PHACTR1: variants seen among roughly 807,000 people sequenced by gnomAD.
PHACTR1 encodes phosphatase and actin regulator 1.
A neutral mutation model predicts 69.2 loss-of-function variants in PHACTR1; 16 were observed. That is an observed-to-expected ratio of 0.23 (90% CI 0.16 to 0.35). The LOEUF is 0.35. Ranked by LOEUF, PHACTR1 falls within the 10% of genes least tolerant of loss-of-function variation. The pLI is 1.00. For missense variants in PHACTR1, 510 were observed against 734.7 expected (o/e 0.69, Z 3.54); for synonymous variants, 312 against 284.5 (o/e 1.10, Z -0.97).
chr6:12,957,925 A>G, intron 4 of PHACTR1: 1 of 985,236 alleles, frequency 1.0e-6, no homozygotes, highest in Non-Finnish European at 1.2e-6. Context: ...TCAGAGCCCG[A>G]CACTTGAGGA....
At chr6:13,254,053 C>T (rs964878897) in intron 10 of PHACTR1, among the ~76,000 whole-genome samples, 3 of 152,106 alleles carry the variant, frequency 2.0e-5, no homozygotes, top group African/African-American at 7.2e-5. Flanking sequence ...CATGGTGAAA[C>T]CCTATATCTA....
chr6:12,811,078 T>C (rs1415452522), intron 4 of PHACTR1, among the ~76,000 whole-genome samples: 5 of 152,220 alleles, frequency 3.3e-5, no homozygotes, highest in African/African-American at 1.2e-4. Context: ...ACAAGATTGA[T>C]TTCTTAGGTT....
intron 8 of PHACTR1, 86 bp downstream of exon 8, chr6:13,206,222 T>G: frequency 7.6e-7 from 1 of 1,321,818 alleles, no homozygotes; most frequent in Non-Finnish European, 1.0e-6. Flanking sequence ...GACTTAGGAA[T>G]GTGAACAAGG....
chr6:13,179,445 T>TGTGTGTGTGTGTG lies in PHACTR1; in HGVS notation c.497-3074_497-3073insGTGTGTGTGTGTG, dbSNP rs58571739. Among the ~76,000 whole-genome samples, 17 of 148,268 alleles carry TGTGTGTGTGTGTG rather than the reference T, an allele frequency of 1.1e-4. No individual in the cohort carries two copies. The highest frequency in any genetic ancestry group is 3.4e-4 in the Admixed American group (5 of 14,874). On this transcript the variant is annotated intron_variant, in intron 6 of 14. Transcript: ENST00000332995. The surrounding 1 kb of genome is among the most constrained non-coding windows in gnomAD (Gnocchi z 4.2). ...GTGTGTGTGTGTGTGTGTGTGTGTG[T>TGTGTGTGTGTGTG]TTAAAAATGTCATAATAAAAAATTT...
chr6:13,102,455 C>T (rs1295921974), intron 5 of PHACTR1, among the ~76,000 whole-genome samples: 1 of 152,168 alleles, frequency 6.6e-6, no homozygotes, highest in Non-Finnish European at 1.5e-5. Flanking sequence ...AATTGTAAAT[C>T]CCCACAGTAG....
chr6:12,955,838 G>A (rs1180575322), intron 4 of PHACTR1, among the ~76,000 whole-genome samples: 4 of 152,262 alleles, frequency 2.6e-5, no homozygotes, highest in African/African-American at 9.6e-5. Context: ...ACCAAGAGTA[G>A]GAGACCCGTC....
At chr6:13,037,514 A>C (rs749503733) in intron 4 of PHACTR1, among the ~76,000 whole-genome samples, 23 of 152,246 alleles carry the variant, frequency 1.5e-4, no homozygotes, top group African/African-American at 2.9e-4. Flanking sequence ...AGCATGCATC[A>C]GTGACTGGCT....
chr6:12,828,151 TTGCTGCGTA>T (rs994897556), intron 4 of PHACTR1, among the ~76,000 whole-genome samples: 34 of 152,322 alleles, frequency 2.2e-4, no homozygotes, highest in Admixed American at 1.2e-3. Context: ...CTCTGTGATT[TTGCTGCGTA>T]TGAGGCCAAT....
chr6:13,181,817 T>A (rs935677444), intron 6 of PHACTR1, among the ~76,000 whole-genome samples: 6 of 152,250 alleles, frequency 3.9e-5, no homozygotes, highest in South Asian at 2.1e-4. Flanking sequence ...TGAAGCCCTT[T>A]GCTCCCTAAA....
intron 7 of PHACTR1, among the ~76,000 whole-genome samples, chr6:13,183,278 G>T (rs956562964): frequency 6.6e-6 from 1 of 152,152 alleles, no homozygotes; most frequent in East Asian, 1.9e-4. Flanking sequence ...TTTGCAGAGC[G>T]GTCCTAATTT....
rs1779379838 is a variant in PHACTR1, at chr6:13,278,332, A to T, written c.1509+3A>T. ...TCAAGAGGAGGCTAACCCGAAAGGT[A>T]GGTGGTTCTCCATGCCAAGAGCTGG... On this transcript the variant is annotated splice_donor_region_variant and intron_variant, in intron 12 of 14. Coordinates refer to ENST00000332995, the MANE Select transcript of PHACTR1 (RefSeq NM_030948.6). 6.3e-7 allele frequency: 1 copy of T among 1,593,654 alleles called. No individual in the cohort carries two copies. Among genetic ancestry groups the T allele is most frequent in the Admixed American group, 1.8e-5 (1 of 56,732 alleles).
At chr6:13,202,481 CT>C (rs1164105884) in intron 7 of PHACTR1, among the ~76,000 whole-genome samples, 6,706 of 129,858 alleles carry the variant, frequency 0.052, 275 homozygotes, top group African/African-American at 0.14. Flanking sequence ...TGCACTGAAG[CT>C]TTTTTTTTTT....
intron 10 of PHACTR1, among the ~76,000 whole-genome samples, chr6:13,240,419 G>GT (rs550725560): frequency 5.2e-4 from 78 of 150,844 alleles, no homozygotes; most frequent in African/African-American, 9.6e-4. Flanking sequence ...TTCGTTGTGG[G>GT]TTTTTTTTTG....
At chr6:12,834,726 A>G (rs908659894) in intron 4 of PHACTR1, among the ~76,000 whole-genome samples, 5 of 152,188 alleles carry the variant, frequency 3.3e-5, no homozygotes, top group African/African-American at 1.2e-4. Context: ...TGAGATAAAA[A>G]CAAAACTCAG....
intron 4 of PHACTR1, among the ~76,000 whole-genome samples, chr6:12,759,442 CA>C (rs5874377): frequency 1.5e-3 from 201 of 132,412 alleles, no homozygotes; most frequent in Middle Eastern, 3.7e-3. Flanking sequence ...AAGGCATTTG[CA>C]AAAAAAAAAA....
At chr6:12,966,795 T>A (rs894269295) in intron 4 of PHACTR1, among the ~76,000 whole-genome samples, 3 of 152,218 alleles carry the variant, frequency 2.0e-5, no homozygotes, top group African/African-American at 7.2e-5. Flanking sequence ...AATTTCAGTG[T>A]TTCCTAGAAT....
chr6:13,118,026 C>G (rs1303819932), intron 5 of PHACTR1, among the ~76,000 whole-genome samples: 1 of 152,172 alleles, frequency 6.6e-6, no homozygotes, highest in African/African-American at 2.4e-5. Flanking sequence ...ATTTAGTGCT[C>G]AATGCTGGTC....
At chr6:12,758,005 T>C (rs1253196602) in intron 4 of PHACTR1, among the ~76,000 whole-genome samples, 1 of 152,040 alleles carries the variant, frequency 6.6e-6, no homozygotes, top group Non-Finnish European at 1.5e-5. Context: ...CCAGCTCCTC[T>C]GGAGGCTGAG....
intron 4 of PHACTR1, among the ~76,000 whole-genome samples, chr6:12,880,246 T>G (rs1246077189): frequency 1.1e-4 from 11 of 98,926 alleles, no homozygotes; most frequent in Non-Finnish European, 1.5e-4. Context: ...TTTTTTTTTT[T>G]GACAGGATCT....
Sources: gnomAD v4.1 joint callset for allele counts (sites outside exome capture counted in the v4.1 genomes callset) on GRCh38, gnomAD v4.1.1 for gene constraint, Gnocchi (gnomAD v3.1) non-coding constraint, MANE v1.5 for transcripts, NCBI Gene and HGNC (gene_info 2026-07-23, HGNC 2026-07-21) for gene names.